PDE4D: variants seen among roughly 807,000 people sequenced by gnomAD.
The protein encoded by PDE4D is phosphodiesterase 4D, also known as 3',5'-cyclic-AMP phosphodiesterase 4D.
In PDE4D, 24 loss-of-function variants were observed where a neutral mutation model predicts 87.4. The ratio of observed to expected loss-of-function variants is 0.27; its 90% CI spans 0.20 to 0.39. The LOEUF (loss-of-function observed/expected upper bound fraction) is 0.39. Ranked by LOEUF, PDE4D falls within the 10% of genes least tolerant of loss-of-function variation. The pLI is 1.00. For synonymous variants in PDE4D, 384 were observed against 383.2 expected, an observed-to-expected ratio of 1.00 and a Z score of -0.02; for missense variants, 714 against 1,041.0, an observed-to-expected ratio of 0.69 and a Z score of 4.32.
chr5:59,419,261 TA>T (rs1364595421), intron 1 of PDE4D, among the ~76,000 whole-genome samples: 1 of 152,182 alleles, frequency 6.6e-6, no homozygotes. Flanking sequence ...AGTTATAATT[TA>T]TTTTTCCCTT....
chr5:59,723,437 T>C (rs529702627), intron 1 of PDE4D, among the ~76,000 whole-genome samples: 1 of 152,112 alleles, frequency 6.6e-6, no homozygotes, highest in East Asian at 1.9e-4. Context: ...ACAGAGTAAA[T>C]GCTCAAGAAA....
chr5:60,060,336 A>C (rs1562040423), intron 2 of PDE4D, among the ~76,000 whole-genome samples: 1 of 152,060 alleles, frequency 6.6e-6, no homozygotes, highest in Admixed American at 6.6e-5. Flanking sequence ...AGAGCTTTGT[A>C]AAAGCCAACA....
intron 1 of PDE4D, among the ~76,000 whole-genome samples, chr5:59,679,295 T>C (rs73758847): frequency 0.072 from 10,943 of 152,180 alleles, 1,216 homozygotes; most frequent in African/African-American, 0.24. Context: ...AGAAAAGATG[T>C]TTTTCCATAC....
chr5:59,770,772 C>T (rs1763353439), intron 1 of PDE4D, among the ~76,000 whole-genome samples: 1 of 152,056 alleles, frequency 6.6e-6, no homozygotes, highest in Admixed American at 6.6e-5. Context: ...GACTCAGTTC[C>T]ATTCAACAAA....
intron 1 of PDE4D, among the ~76,000 whole-genome samples, chr5:60,396,744 G>A (rs1487730547): frequency 6.6e-6 from 1 of 152,186 alleles, no homozygotes. Context: ...AAGACCCAGA[G>A]TTAGGTATCT....
intron 1 of PDE4D, among the ~76,000 whole-genome samples, chr5:60,464,356 G>A (rs1159599123): frequency 1.3e-5 from 2 of 152,188 alleles, no homozygotes; most frequent in African/African-American, 4.8e-5. Flanking sequence ...AATAAAATAA[G>A]TAAAATTAGA....
At chr5:59,239,741 G>A (rs1757269009) in intron 1 of PDE4D, among the ~76,000 whole-genome samples, 1 of 152,046 alleles carries the variant, frequency 6.6e-6, no homozygotes, top group Admixed American at 6.6e-5. Context: ...ATCGTACTGT[G>A]GCAAAAACTA....
intron 1 of PDE4D, among the ~76,000 whole-genome samples, chr5:59,743,810 C>A (rs766048339): frequency 1.3e-5 from 2 of 152,030 alleles, no homozygotes; most frequent in Non-Finnish European, 2.9e-5. Flanking sequence ...TTGAGCACTA[C>A]AATCATCACT....
intron 1 of PDE4D, among the ~76,000 whole-genome samples, chr5:60,435,379 A>C (rs947792390): frequency 3.3e-5 from 5 of 152,104 alleles, no homozygotes; most frequent in Non-Finnish European, 7.4e-5. Context: ...TAAATGTTTA[A>C]ATTTCCAGAG....
At chr5:59,145,421 T>C (rs1778492562) in intron 5 of PDE4D, among the ~76,000 whole-genome samples, 1 of 152,114 alleles carries the variant, frequency 6.6e-6, no homozygotes, top group African/African-American at 2.4e-5. Context: ...TGTACAGAGG[T>C]TATGAGAAAA....
At chr5:59,322,276 G>C (rs532591301) in intron 1 of PDE4D, among the ~76,000 whole-genome samples, 12 of 152,050 alleles carry the variant, frequency 7.9e-5, no homozygotes, top group Non-Finnish European at 1.3e-4. Context: ...CATTCACTCA[G>C]TATTGCTGGT....
chr5:59,120,679 A>T lies in PDE4D; in HGVS notation c.808+59916T>A, dbSNP rs186054556. On this transcript the variant is annotated intron_variant, in intron 5 of 14. Transcript: ENST00000340635. Reference sequence around the variant, plus strand: ...TTTTCACAGAAATAAAAAAAAACTTAAAATTTCTATGGAACCAAAAAAAAA... The same window carrying T: ...TTTTCACAGAAATAAAAAAAAACTTTAAATTTCTATGGAACCAAAAAAAAA... 7.2e-4 allele frequency among the ~76,000 whole-genome samples: 109 copies of T among 152,334 alleles called. 1 individual carries two copies. The East Asian group carries it at 0.02, about 27-fold the overall frequency.
At chr5:59,952,570 T>C (rs924404271) in intron 3 of PDE4D, among the ~76,000 whole-genome samples, 2 of 152,198 alleles carry the variant, frequency 1.3e-5, no homozygotes, top group Non-Finnish European at 2.9e-5. Flanking sequence ...TTCTTTTCCT[T>C]TGAATATTGA....
At chr5:59,452,554 A>T (rs1230451188) in intron 1 of PDE4D, among the ~76,000 whole-genome samples, 1 of 152,200 alleles carries the variant, frequency 6.6e-6, no homozygotes, top group Non-Finnish European at 1.5e-5. Flanking sequence ...GAGGAGACAC[A>T]GCTACTGCCT....
At chr5:60,394,896 C>T (rs1029506498) in intron 1 of PDE4D, among the ~76,000 whole-genome samples, 2 of 152,190 alleles carry the variant, frequency 1.3e-5, no homozygotes, top group Non-Finnish European at 2.9e-5. Context: ...CCGGTACAAA[C>T]ATTTTCTTGA....
At chr5:59,348,803 T>C (rs1356918513) in intron 1 of PDE4D, among the ~76,000 whole-genome samples, 1 of 152,088 alleles carries the variant, frequency 6.6e-6, no homozygotes, top group Non-Finnish European at 1.5e-5. Flanking sequence ...ATGAATTATA[T>C]AATTTGAGCC....
At chr5:59,583,478 G>A (rs944656649) in intron 1 of PDE4D, among the ~76,000 whole-genome samples, 1 of 152,170 alleles carries the variant, frequency 6.6e-6, no homozygotes, top group Non-Finnish European at 1.5e-5. Flanking sequence ...CCTTATCTTT[G>A]TTTGGCTTGG....
chr5:59,128,952 A>G (rs1393711473), intron 5 of PDE4D, among the ~76,000 whole-genome samples: 1 of 152,232 alleles, frequency 6.6e-6, no homozygotes, highest in Non-Finnish European at 1.5e-5. Flanking sequence ...TCATCCACCT[A>G]TTAAGAGGCA....
At chr5:59,458,227 T>G (rs1178311804) in intron 1 of PDE4D, among the ~76,000 whole-genome samples, 2 of 152,230 alleles carry the variant, frequency 1.3e-5, no homozygotes, top group Admixed American at 1.3e-4. Context: ...AACCAAAAAC[T>G]GTGTAGAAAG....
Sources: gnomAD v4.1 joint callset for allele counts (sites outside exome capture counted in the v4.1 genomes callset) on GRCh38, gnomAD v4.1.1 for gene constraint, MANE v1.5 for transcripts, NCBI Gene and HGNC (gene_info 2026-07-23, HGNC 2026-07-21) for gene names.